The following ZC3HAV1 variants were observed in gnomAD, a reference collection of about 807,000 sequenced individuals.
The protein encoded by ZC3HAV1 is zinc finger CCCH-type containing, antiviral 1, also known as zinc finger CCCH-type antiviral protein 1.
A neutral mutation model predicts 86.6 loss-of-function variants in ZC3HAV1; 41 were observed. The ratio of observed to expected loss-of-function variants is 0.47; its 90% CI spans 0.37 to 0.61. The LOEUF is 0.61. Among genes scored for constraint, ZC3HAV1 ranks in the 20% least tolerant of loss-of-function variants. The pLI, the probability that ZC3HAV1 is intolerant of heterozygous loss-of-function variation, is 0.00. For synonymous variants in ZC3HAV1, 421 were observed against 432.1 expected (o/e 0.97, Z 0.32); for missense variants, 964 against 1,141.1 (o/e 0.84, Z 2.24).
intron 12 of ZC3HAV1, among the ~76,000 whole-genome samples, chr7:139,052,677 C>G (rs1202808661): frequency 6.7e-6 from 1 of 150,240 alleles, no homozygotes; most frequent in Non-Finnish European, 1.5e-5. Flanking sequence ...AATCCCAGCA[C>G]TTTGGCAGGC....
intron 7 of ZC3HAV1, among the ~76,000 whole-genome samples, chr7:139,073,305 T>A (rs1343727388): frequency 3.3e-5 from 5 of 151,458 alleles, no homozygotes; most frequent in Non-Finnish European, 5.9e-5. Flanking sequence ...ATCTCAAAAA[T>A]AAATAAATAA....
At chr7:139,052,798 A>G (rs1816173064) in intron 12 of ZC3HAV1, among the ~76,000 whole-genome samples, 1 of 151,736 alleles carries the variant, frequency 6.6e-6, no homozygotes, top group Admixed American at 6.6e-5. Context: ...ATGTGGTGGC[A>G]CACACCTGTT....
In ZC3HAV1 at chr7:139,058,448, C is replaced by G. The variant is rs943930244; in HGVS notation, c.2096+2588G>C. 6.8e-5 allele frequency among the ~76,000 whole-genome samples: 10 copies of G among 147,350 alleles called. No individual in the cohort carries two copies. In the East Asian group the frequency reaches 8.4e-4, roughly 12 times the overall value. On this transcript the variant is annotated intron_variant, in intron 9 of 12. Transcript: ENST00000242351. The stretch of plus-strand genomic sequence containing the variant: ...CAGCAACCTAACCCCCAACCCCCCC[C>G]CCCCCCACAAAAAAACACCAAAATA...
At chr7:139,072,816 T>G (rs1399508489) in intron 7 of ZC3HAV1, among the ~76,000 whole-genome samples, 1 of 152,168 alleles carries the variant, frequency 6.6e-6, no homozygotes. Context: ...CTGGTCTAAT[T>G]AACCATGCCA....
chr7:139,066,324 G>A (rs759984297), intron 7 of ZC3HAV1, among the ~76,000 whole-genome samples: 5 of 152,166 alleles, frequency 3.3e-5, no homozygotes, highest in Admixed American at 6.6e-5. Flanking sequence ...GGTTGTAAGC[G>A]GAGGGCAACA....
chr7:139,070,338 C>T (rs1816731885), intron 7 of ZC3HAV1, among the ~76,000 whole-genome samples: 1 of 152,082 alleles, frequency 6.6e-6, no homozygotes, highest in African/African-American at 2.4e-5. Flanking sequence ...ACAGCTAACA[C>T]AGACTAAATG....
chr7:139,053,826 T>TGA (rs1491353347), intron 11 of ZC3HAV1, 139 bp downstream of exon 11: 3 of 582,002 alleles, frequency 5.2e-6, no homozygotes, highest in Non-Finnish European at 7.1e-6. Flanking sequence ...GTTGATAGAA[T>TGA]GAAAAAAAAA....
At chr7:139,071,624 CTG>C (rs1442315773) in intron 7 of ZC3HAV1, among the ~76,000 whole-genome samples, 1 of 152,134 alleles carries the variant, frequency 6.6e-6, no homozygotes, top group African/African-American at 2.4e-5. Flanking sequence ...TACAAAGAAT[CTG>C]TGCAAAGTTT....
rs1416762181 is a variant in ZC3HAV1 at position 139,053,533 on chromosome 7, T to C, written c.2367A>G (p.Thr789=). 6.2e-7 allele frequency: 1 copy of C among 1,605,570 alleles called. No homozygotes were observed. The highest frequency in any genetic ancestry group is 1.1e-5 in the South Asian group (1 of 89,236). ...KEEGKLLFYA[T]SRAYVESICS... ...AGATAGATTCCACATAGGCACGGCT[T>C]GTCGCATAAAATAGGAGTTTTCCTT... The change falls in exon 12 of 13, where the codon ACA becomes ACG. Residue 789 remains threonine, a synonymous_variant. Transcript: ENST00000242351.
intron 7 of ZC3HAV1, among the ~76,000 whole-genome samples, chr7:139,071,102 C>CA (rs766036589): frequency 1.4e-4 from 20 of 146,620 alleles, no homozygotes; most frequent in African/African-American, 2.9e-4. Flanking sequence ...GTTTCTGAAA[C>CA]CTTTTTTTTT....
intron 4 of ZC3HAV1, 139 bp downstream of exon 4, chr7:139,079,331 G>A (rs1158219322): frequency 3.2e-6 from 5 of 1,556,454 alleles, no homozygotes; most frequent in Non-Finnish European, 3.5e-6. Flanking sequence ...ATCTTTTTCT[G>A]CCTTGACTGC....
chr7:139,070,347 T>C (rs1055225973), intron 7 of ZC3HAV1, among the ~76,000 whole-genome samples: 3 of 152,068 alleles, frequency 2.0e-5, no homozygotes, highest in African/African-American at 7.2e-5. Context: ...ACAGACTAAA[T>C]GTCCCAGCGA....
Position 139,053,500 on chromosome 7 carries a change from A to G in ZC3HAV1, c.2400T>C (p.Asn800=), listed in dbSNP as rs755177917. ...TTTCATGTAGGAAACTGTCAAAATT[A>G]TTCGAACAGATAGATTCCACATAGG... ...SRAYVESICS[N]NFDSFLHETH... Residue 800 remains asparagine, a synonymous_variant, in exon 12 of 13, where the codon AAT becomes AAC. Coordinates refer to ENST00000242351, the MANE Select transcript of ZC3HAV1 (RefSeq NM_020119.4). The G allele has an allele frequency of 6.2e-7, 1 of 1,604,480 alleles. No homozygotes were observed. The highest frequency in any genetic ancestry group is 1.1e-5 in the South Asian group (1 of 89,070).
chr7:139,105,532 C>A (rs945365600), intron 1 of ZC3HAV1, among the ~76,000 whole-genome samples: 2 of 152,126 alleles, frequency 1.3e-5, no homozygotes, highest in Non-Finnish European at 2.9e-5. Context: ...ACCGATTCAC[C>A]AAAACAATTA....
intron 7 of ZC3HAV1, among the ~76,000 whole-genome samples, chr7:139,065,627 C>G (rs1012267998): frequency 6.6e-6 from 1 of 152,086 alleles, no homozygotes; most frequent in Admixed American, 6.6e-5. Context: ...ATGAGGTGGC[C>G]GGGTGCAGTG....
intron 3 of ZC3HAV1, among the ~76,000 whole-genome samples, chr7:139,082,995 G>T (rs946986896): frequency 1.3e-5 from 2 of 152,140 alleles, no homozygotes; most frequent in African/African-American, 4.8e-5. Context: ...CTTGTTCTGA[G>T]GAGATACATG....
In ZC3HAV1 at chr7:139,079,998, C is replaced by A; in HGVS notation, c.943G>T (p.Ala315Ser). 1.2e-6 allele frequency: 2 copies of A among 1,614,156 alleles called. No homozygotes were observed. The highest frequency in any genetic ancestry group is 1.7e-6 in the Non-Finnish European group (2 of 1,180,024). The part of the protein sequence containing the change: ...RARPPSGSSK[A>S]TDLGGTSQAG... ...TGACTTGTTCCTCCAAGATCAGTAG[C>A]CTTGGACGAGCCTGAGGGAGGCCGA... Residue 315 changes from alanine to serine, a missense_variant, in exon 4 of 13, where the codon GCT (alanine) becomes TCT (serine). By Grantham distance (99) the Ala-to-Ser change is moderately conservative (BLOSUM62 1). Transcript: ENST00000242351.
chr7:139,053,873 A>T (rs907330319), intron 11 of ZC3HAV1, 92 bp downstream of exon 11: 6 of 1,509,214 alleles, frequency 4.0e-6, no homozygotes, highest in Non-Finnish European at 5.3e-6. Flanking sequence ...GTTAACTACT[A>T]AAATAAATCA....
chr7:139,093,002 C>G (rs1244323914), intron 1 of ZC3HAV1, among the ~76,000 whole-genome samples: 1 of 152,146 alleles, frequency 6.6e-6, no homozygotes, highest in South Asian at 2.1e-4. Flanking sequence ...TGATCAGCCA[C>G]GAAGGTGGGG....
Sources: gnomAD v4.1 joint callset for allele counts (sites outside exome capture counted in the v4.1 genomes callset) on GRCh38, gnomAD v4.1.1 for gene constraint, MANE v1.5 for transcripts, NCBI Gene and HGNC (gene_info 2026-07-23, HGNC 2026-07-21) for gene names.